Variants in HIVEP3 observed in about 807,000 individuals in gnomAD.
The protein encoded by HIVEP3 is HIVEP zinc finger 3.
Under a neutral mutation model 152.8 loss-of-function variants are expected in HIVEP3, and 49 were observed. That is an observed-to-expected ratio of 0.32 (90% CI 0.26 to 0.41). HIVEP3 has a LOEUF of 0.41. Ranked by LOEUF, HIVEP3 falls within the 10% of genes least tolerant of loss-of-function variation. The probability of loss-of-function intolerance (pLI) is 1.00; values close to 1 mark genes in which losing one functional copy is unlikely to be tolerated. For synonymous variants in HIVEP3, 1,269 were observed against 1,289.0 expected, an observed-to-expected ratio of 0.98 and a Z score of 0.33; for missense variants, 2,790 against 3,103.3, an observed-to-expected ratio of 0.90 and a Z score of 2.40.
intron 1 of HIVEP3, among the ~76,000 whole-genome samples, chr1:41,834,163 C>G (rs531278077): frequency 6.6e-6 from 1 of 152,302 alleles, no homozygotes; most frequent in African/African-American, 2.4e-5. Flanking sequence ...ATCCTCCTCA[C>G]AAATGGGTCA....
intron 1 of HIVEP3, among the ~76,000 whole-genome samples, chr1:42,014,602 G>A (rs1435087480): frequency 1.3e-5 from 2 of 152,226 alleles, no homozygotes; most frequent in East Asian, 1.9e-4. Context: ...CAGTGATGCC[G>A]ATCTGTCCTC....
At chr1:41,697,114 G>C (rs1239317652) in intron 2 of HIVEP3, among the ~76,000 whole-genome samples, 1 of 152,182 alleles carries the variant, frequency 6.6e-6, no homozygotes, top group African/African-American at 2.4e-5. Flanking sequence ...TTTCACTGAG[G>C]CTGCTGTTGC....
At chr1:41,615,181 A>G (rs1644949668) in intron 3 of HIVEP3, among the ~76,000 whole-genome samples, 1 of 152,242 alleles carries the variant, frequency 6.6e-6, no homozygotes, top group Non-Finnish European at 1.5e-5. Flanking sequence ...ACTTCTTCCT[A>G]AGCAATAGGG....
intron 1 of HIVEP3, among the ~76,000 whole-genome samples, chr1:41,898,226 C>A (rs181719071): frequency 1.4e-3 from 206 of 152,366 alleles, no homozygotes; most frequent in Admixed American, 2.7e-3. Context: ...AATTTAGGTT[C>A]TTTTAATCCA....
chr1:41,837,919 T>C (rs901855589), intron 1 of HIVEP3, among the ~76,000 whole-genome samples: 3 of 152,136 alleles, frequency 2.0e-5, no homozygotes, highest in Admixed American at 6.5e-5. Context: ...CTCAGGAAGG[T>C]GGTTCCTCTC....
chr1:41,773,339 C>A (rs191164844), intron 1 of HIVEP3, among the ~76,000 whole-genome samples: 37 of 152,320 alleles, frequency 2.4e-4, no homozygotes, highest in African/African-American at 8.7e-4. Context: ...TGCCTTTCCT[C>A]ATCTGCAGGA....
chr1:41,858,619 T>G (rs1222521362), intron 1 of HIVEP3, among the ~76,000 whole-genome samples: 1 of 152,222 alleles, frequency 6.6e-6, no homozygotes, highest in African/African-American at 2.4e-5. Flanking sequence ...TGCTAGGTGC[T>G]GGGGATAGTG....
chr1:41,593,373 G>T (rs546931930), intron 3 of HIVEP3, among the ~76,000 whole-genome samples: 1 of 151,546 alleles, frequency 6.6e-6, no homozygotes, highest in African/African-American at 2.4e-5. Context: ...TTCTTTTTGC[G>T]GGCAGCAGCA....
At chr1:41,665,668 G>A (rs187355614) in intron 2 of HIVEP3, among the ~76,000 whole-genome samples, 6 of 134,802 alleles carry the variant, frequency 4.5e-5, no homozygotes, top group African/African-American at 5.5e-5. Flanking sequence ...CAGGTGTCCC[G>A]GGCTAGAATG....
At chr1:41,868,231 A>G (rs1019863783) in intron 1 of HIVEP3, among the ~76,000 whole-genome samples, 3 of 148,786 alleles carry the variant, frequency 2.0e-5, no homozygotes, top group Non-Finnish European at 4.4e-5. Flanking sequence ...TTCTCACTCA[A>G]ATATAAGCTC....
chr1:41,751,324 A>ATTTTTTTTTTTTT lies in HIVEP3; in HGVS notation c.-800-50342_-800-50330dup, dbSNP rs35864189. ...TTCATCCCGAGGGAAACTGACACACATTTTTTTTTTTTTTTTTTTTGCATA... is the reference window on the plus strand; with the variant it reads ...TTCATCCCGAGGGAAACTGACACACATTTTTTTTTTTTTTTTTTTTTTTTTTTTTTTTTGCATA... On this transcript the variant is annotated intron_variant, in intron 1 of 8. Coordinates refer to ENST00000372583, the MANE Select transcript of HIVEP3 (RefSeq NM_024503.5). Among the ~76,000 whole-genome samples the ATTTTTTTTTTTTT allele has an allele frequency of 1.2e-4, 13 of 104,556 alleles. 1 individual carries two copies. The highest frequency in any genetic ancestry group is 3.4e-4 in the South Asian group (1 of 2,942). The allele number at this position is 104,556 out of a possible 152,430, so 68.6% of individuals were successfully genotyped here.
At chr1:41,959,308 A>G (rs529449580) in intron 1 of HIVEP3, among the ~76,000 whole-genome samples, 71 of 152,336 alleles carry the variant, frequency 4.7e-4, no homozygotes, top group African/African-American at 1.6e-3. Flanking sequence ...AGAATTGGCA[A>G]ATATTCCAGG....
intron 3 of HIVEP3, among the ~76,000 whole-genome samples, chr1:41,608,851 C>T (rs1303194766): frequency 6.7e-6 from 1 of 150,128 alleles, no homozygotes; most frequent in African/African-American, 2.5e-5. Context: ...GCGGGTGGAT[C>T]ACTTGAGGTC....
At chr1:41,943,095 G>A (rs1169672050) in intron 1 of HIVEP3, among the ~76,000 whole-genome samples, 1 of 151,628 alleles carries the variant, frequency 6.6e-6, no homozygotes, top group Non-Finnish European at 1.5e-5. Flanking sequence ...TTTTAGTAGA[G>A]ACGGGTTTCA....
intron 1 of HIVEP3, among the ~76,000 whole-genome samples, chr1:41,816,396 A>G (rs1017094823): frequency 1.3e-5 from 2 of 152,170 alleles, no homozygotes; most frequent in Non-Finnish European, 2.9e-5. Flanking sequence ...AACTAAAGGC[A>G]TCTGTTACGG....
intron 5 of HIVEP3, among the ~76,000 whole-genome samples, chr1:41,529,022 A>G (rs918521584): frequency 2.0e-5 from 2 of 99,880 alleles, no homozygotes; most frequent in African/African-American, 7.9e-5. Flanking sequence ...CACACCACTG[A>G]CCTCACACTC....
rs141359612 is a variant in HIVEP3 at position 41,583,152 on chromosome 1, G to A, written c.1646C>T (p.Thr549Ile). 7 of 1,613,038 alleles carry A rather than the reference G, an allele frequency of 4.3e-6. No individual in the cohort carries two copies. The highest frequency in any genetic ancestry group is 4.0e-5 in the African/African-American group (3 of 74,978). The change falls in exon 4 of 9, where the codon ACT becomes ATT. Residue 549 changes from threonine (T) to isoleucine (I), a missense_variant. By Grantham distance (89) the Thr-to-Ile change is moderately conservative (BLOSUM62 -1). Around this residue, in one of 9 missense-constraint regions of HIVEP3, gnomAD observed 339 missense variants for 327.0 expected, o/e 1.04. Transcript: ENST00000372583. This position sits in a 1 kb window ranked among gnomAD's most constrained non-coding sequence, Gnocchi z 6.9. ...GAAGGGGTGGTGGGGGGTGCTGATA[G>A]TGCAGGCGGCAGAAGGCATTGAGTG... is the stretch of plus-strand genomic sequence containing the variant. ...RSHSMPSAAC[T>I]ISTPHHPFRG...
intron 1 of HIVEP3, among the ~76,000 whole-genome samples, chr1:41,937,473 C>T (rs1269007784): frequency 6.6e-6 from 1 of 152,064 alleles, no homozygotes. Flanking sequence ...CTGCACTATC[C>T]AAAATGGTAG....
chr1:41,907,454 C>T (rs1201386016), intron 1 of HIVEP3, among the ~76,000 whole-genome samples: 5 of 152,230 alleles, frequency 3.3e-5, no homozygotes, highest in Admixed American at 2.0e-4. Context: ...CTACCTAAGA[C>T]AGCACCCATA....
Sources: gnomAD v4.1 joint callset for allele counts (sites outside exome capture counted in the v4.1 genomes callset) on GRCh38, gnomAD v4.1.1 for gene constraint, gnomAD v4.1.1 regional missense constraint, Gnocchi (gnomAD v3.1) non-coding constraint, MANE v1.5 for transcripts, NCBI Gene and HGNC (gene_info 2026-07-23, HGNC 2026-07-21) for gene names.